The following PCDHGB1 variants were observed in gnomAD, a reference collection of about 807,000 sequenced individuals.
The protein encoded by PCDHGB1 is protocadherin gamma-B1.
PCDHGB1 carries 34 observed loss-of-function variants against 56.6 expected under a neutral mutation model. The ratio of observed to expected loss-of-function variants is 0.60; its 90% CI spans 0.46 to 0.80. The LOEUF is 0.80. Among genes scored for constraint, PCDHGB1 ranks in the 30% least tolerant of loss-of-function variants. The pLI, the probability that PCDHGB1 is intolerant of heterozygous loss-of-function variation, is 0.00. For synonymous variants in PCDHGB1, 561 were observed against 505.9 expected (o/e 1.11, Z -1.46); for missense variants, 1,278 against 1,204.6 (o/e 1.06, Z -0.90).
At chr5:141,509,106 A>T (rs1159119530) in intron 3 of PCDHGB1, among the ~76,000 whole-genome samples, 1 of 152,102 alleles carries the variant, frequency 6.6e-6, no homozygotes, top group Non-Finnish European at 1.5e-5. Flanking sequence ...TAGAAACCTG[A>T]GCGCTGGTGC....
chr5:141,408,656 C>G (rs1367377855), intron 1 of PCDHGB1: 1 of 1,614,030 alleles, frequency 6.2e-7, no homozygotes, highest in South Asian at 1.1e-5. Flanking sequence ...TGGTACACGA[C>G]TATCGCTTGA....
At position 141,485,144 on chromosome 5, in the gene PCDHGB1, G is replaced by A; in HGVS notation, c.2410-9663G>A. 6.4e-7 allele frequency: 1 copy of A among 1,564,192 alleles called. No homozygotes were observed. The highest frequency in any genetic ancestry group is 1.7e-5 in the Admixed American group (1 of 59,326). On this transcript the variant is annotated intron_variant, in intron 1 of 3. Transcript: ENST00000523390. This position sits in a 1 kb window ranked among gnomAD's most constrained non-coding sequence, Gnocchi z 5.7. ...CGGGTCGGCTTCATCCGCGTCTCAG[G>A]AGCAAGTAGAGAATTAGCGGGCGGC...
Position 141,498,864 on chromosome 5 carries a change from C to T in PCDHGB1, c.2468+3999C>T, listed in dbSNP as rs1370263013. Among the ~76,000 whole-genome samples the T allele has an allele frequency of 2.7e-5, 4 of 149,532 alleles. No homozygotes were observed. The East Asian group carries it at 5.9e-4, about 22-fold the overall frequency. ...AGGGGAATCGCTTGAACCCAGGAGG[C>T]GGAGGTTGCAGTGAGCTGAGATCAC... On this transcript the variant is annotated intron_variant, in intron 2 of 3. Coordinates refer to ENST00000523390, the MANE Select transcript of PCDHGB1 (RefSeq NM_018922.3).
chr5:141,364,414 CG>C, intron 1 of PCDHGB1: 1 of 1,612,330 alleles, frequency 6.2e-7, no homozygotes, highest in Non-Finnish European at 8.5e-7. Flanking sequence ...AGCCAGGATC[CG>C]GGCAGATCCG....
chr5:141,418,572 AC>A lies in PCDHGB1; in HGVS notation c.2409+65909del, dbSNP rs752316020. 8.1e-6 allele frequency: 13 copies of A among 1,613,794 alleles called. 1 individual carries two copies. The Admixed American group carries it at 1.8e-4, about 23-fold the overall frequency. ...ATCCTGGTAATAGATGCCAATGACA[AC>A]CCCCCAGTGTTCAGCCAGGACGTGT... On this transcript the variant is annotated intron_variant, in intron 1 of 3. Transcript: ENST00000523390.
At chr5:141,413,177 T>G (rs2095610843) in intron 1 of PCDHGB1, 4 of 1,602,350 alleles carry the variant, frequency 2.5e-6, no homozygotes, top group Non-Finnish European at 3.4e-6. Flanking sequence ...CAGACTACAA[T>G]GGCCGCTCAA....
chr5:141,420,187 C>T (rs1369031488), intron 1 of PCDHGB1: 7 of 1,613,824 alleles, frequency 4.3e-6, no homozygotes, highest in Non-Finnish European at 5.9e-6. Context: ...ATTGTCCAGC[C>T]ACACAAGATA....
At chr5:141,409,680 C>G (rs756713114) in intron 1 of PCDHGB1, 1 of 1,613,360 alleles carries the variant, frequency 6.2e-7, no homozygotes, top group Non-Finnish European at 8.5e-7. Context: ...TCTATAGTGG[C>G]GAGTGACCTA....
intron 1 of PCDHGB1, among the ~76,000 whole-genome samples, chr5:141,443,479 C>G (rs1285767691): frequency 6.6e-6 from 1 of 152,144 alleles, no homozygotes; most frequent in African/African-American, 2.4e-5. Context: ...GAATTAGACC[C>G]TGTCCCAAAA....
intron 2 of PCDHGB1, among the ~76,000 whole-genome samples, chr5:141,502,905 A>T (rs1364939091): frequency 1.5e-5 from 2 of 131,814 alleles, no homozygotes; most frequent in Non-Finnish European, 3.0e-5. Flanking sequence ...CTCTGTTGCC[A>T]GGCTGGAGTG....
Position 141,423,508 on chromosome 5 carries a change from A to T in PCDHGB1, c.2409+70839A>T, listed in dbSNP as rs962526072. ...AACCTATTCCCACGAGGTCTCTCTCATTGCGGACTCGCAGAAGAGTCACCT... is the reference window on the plus strand; with the variant it reads ...AACCTATTCCCACGAGGTCTCTCTCTTTGCGGACTCGCAGAAGAGTCACCT... On this transcript the variant is annotated intron_variant, in intron 1 of 3. Coordinates refer to ENST00000523390, the MANE Select transcript of PCDHGB1 (RefSeq NM_018922.3). The T allele has an allele frequency of 9.9e-6, 16 of 1,613,742 alleles. No homozygotes were observed. The highest frequency in any genetic ancestry group is 1.6e-4 in the Middle Eastern group (1 of 6,084).
chr5:141,362,373 T>A (rs1281253972), intron 1 of PCDHGB1: 2 of 1,614,038 alleles, frequency 1.2e-6, no homozygotes, highest in Non-Finnish European at 1.7e-6. Flanking sequence ...ACAGTGAGGG[T>A]ACATTGCCCT....
At chr5:141,374,003 C>T (rs1160076904) in intron 1 of PCDHGB1, 2 of 1,320,324 alleles carry the variant, frequency 1.5e-6, no homozygotes, top group African/African-American at 3.0e-5. Flanking sequence ...GGACCTTCAC[C>T]GCTATTTCTG....
At chr5:141,454,092 T>C (rs552760379) in intron 1 of PCDHGB1, among the ~76,000 whole-genome samples, 2 of 152,316 alleles carry the variant, frequency 1.3e-5, no homozygotes, top group East Asian at 3.9e-4. Flanking sequence ...GAAATTTGAA[T>C]TGAACATAAA....
intron 1 of PCDHGB1, chr5:141,390,071 CTG>C: frequency 1.2e-6 from 2 of 1,614,084 alleles, no homozygotes; most frequent in Middle Eastern, 1.6e-4. Context: ...AGCCTGGTCT[CTG>C]TGTTAAATCC....
At chr5:141,492,009 G>C in intron 1 of PCDHGB1, 1 of 617,702 alleles carries the variant, frequency 1.6e-6, no homozygotes, top group Non-Finnish European at 2.7e-6. Flanking sequence ...GATTTCCGCG[G>C]GTGTCGGGGG....
chr5:141,370,167 G>A, intron 1 of PCDHGB1: 3 of 459,112 alleles, frequency 6.5e-6, no homozygotes, highest in Non-Finnish European at 1.1e-5. Context: ...TGCAGCAGAG[G>A]CGCCGGGTGC....
rs375072336 is a variant in PCDHGB1, at chr5:141,350,302, A to G, written c.42A>G (p.Val14=). Residue 14 remains valine (V), a synonymous_variant, in exon 1 of 4, where the codon GTA becomes GTG. Transcript: ENST00000523390. ...AAGCCGAAATGATGAAAAGTCAGGT[A>G]CTGTTTCCCTTCCTGCTGTCTTTGT... ...AREAEMMKSQ[V]LFPFLLSLFC... is the part of the protein sequence containing the mutation. 1.1e-5 allele frequency: 17 copies of G among 1,520,774 alleles called. No individual in the cohort carries two copies. In the East Asian group the frequency reaches 1.8e-4, roughly 16 times the overall value. 94.2% of individuals were successfully genotyped at this position (1,520,774 alleles called of 1,614,324 possible).
At position 141,351,867 on chromosome 5, in the gene PCDHGB1, C is replaced by A; in HGVS notation, c.1607C>A (p.Pro536His). Residue 536 changes from proline (P) to histidine (H), a missense_variant, in exon 1 of 4, where the codon CCC (proline) becomes CAC (histidine). Physicochemically the swap from Pro to His is moderately conservative, Grantham distance 77. Coordinates refer to ENST00000523390, the MANE Select transcript of PCDHGB1 (RefSeq NM_018922.3). ...CTGCAGGCCAGGGACCAGGGCTCCC[C>A]CGCGCTCAGCGCCAACGTGAGCCTG... The part of the protein sequence containing the change: ...LTLQARDQGS[P>H]ALSANVSLRV... 2 of 1,613,254 alleles carry A rather than the reference C, an allele frequency of 1.2e-6. No homozygotes were observed. Among genetic ancestry groups the A allele is most frequent in the Non-Finnish European group, 1.7e-6 (2 of 1,179,730 alleles).
Sources: gnomAD v4.1 joint callset for allele counts (sites outside exome capture counted in the v4.1 genomes callset) on GRCh38, gnomAD v4.1.1 for gene constraint, Gnocchi (gnomAD v3.1) non-coding constraint, MANE v1.5 for transcripts, NCBI Gene and HGNC (gene_info 2026-07-23, HGNC 2026-07-21) for gene names.